The following CYP4X1 variants were observed in gnomAD, a reference collection of about 807,000 sequenced individuals.
CYP4X1 encodes cytochrome P450 family 4 subfamily X member 1.
CYP4X1 carries 44 observed loss-of-function variants against 57.9 expected under a neutral mutation model. The observed-to-expected ratio is 0.76, with a 90% confidence interval of 0.60 to 0.98. CYP4X1 has a LOEUF of 0.98. CYP4X1 is among the 50% of genes least tolerant of loss of function. CYP4X1 has a pLI of 0.00. For missense variants in CYP4X1, 532 were observed against 623.9 expected (o/e 0.85, Z 1.57); for synonymous variants, 227 against 228.6 (o/e 0.99, Z 0.06).
At position 47,023,941 on chromosome 1, in the gene CYP4X1, G is replaced by A. The variant is rs1438690064; in HGVS notation, c.124G>A (p.Asp42Asn). 4.3e-6 allele frequency: 7 copies of A among 1,613,302 alleles called. No individual in the cohort carries two copies. In the Middle Eastern group the frequency reaches 5.4e-4, roughly 123 times the overall value. ...LYLRRQRLLRDLRPFPAPPTH... is the reference protein window; with the variant it reads ...LYLRRQRLLRNLRPFPAPPTH... Reference sequence around the variant, plus strand: ...CCTGCGGAGGCAGCGGCTGCTGCGGGACCTGCGCCCCTTCCCAGCGCCCCC... The same window carrying A: ...CCTGCGGAGGCAGCGGCTGCTGCGGAACCTGCGCCCCTTCCCAGCGCCCCC... Residue 42 changes from aspartate (D) to asparagine (N), a missense_variant, in exon 1 of 12, where the codon GAC becomes AAC. Physicochemically the swap from Asp to Asn is conservative, Grantham distance 23. Coordinates refer to ENST00000371901, the MANE Select transcript of CYP4X1 (RefSeq NM_178033.2).
chr1:47,028,437 TAGC>T (rs1644092829), intron 1 of CYP4X1, among the ~76,000 whole-genome samples: 1 of 152,210 alleles, frequency 6.6e-6, no homozygotes, highest in Non-Finnish European at 1.5e-5. Flanking sequence ...GGAAAGCATT[TAGC>T]AGCACCTAGT....
intron 9 of CYP4X1, among the ~76,000 whole-genome samples, chr1:47,047,727 G>A (rs1293753730): frequency 2.6e-5 from 4 of 152,008 alleles, no homozygotes; most frequent in Non-Finnish European, 5.9e-5. Context: ...TCAGCCTCCC[G>A]AGTAGCTGGG....
At chr1:47,016,384 C>A in the CYP4X1 span, among the ~76,000 whole-genome samples, 1 of 151,160 alleles carries the variant, frequency 6.6e-6, no homozygotes, top group Admixed American at 6.6e-5. Context: ...CTCTGTTGCC[C>A]AGGCTGCAGT....
chr1:47,026,989 A>G lies in CYP4X1; in HGVS notation c.177+2995A>G, dbSNP rs112601161. 4.5e-3 allele frequency among the ~76,000 whole-genome samples: 679 copies of G among 152,342 alleles called. 5 individuals are homozygous for G. The highest frequency in any genetic ancestry group is 0.015 in the African/African-American group (642 of 41,584). On this transcript the variant is annotated intron_variant, in intron 1 of 11. Coordinates refer to ENST00000371901, the MANE Select transcript of CYP4X1 (RefSeq NM_178033.2). ...CTCACCCTCCCAAAGTGCTGGGATT[A>G]CAGGCGTGAGCCACCACTCCCGGCT... is the stretch of plus-strand genomic sequence containing the variant.
chr1:47,001,201 A>G, the CYP4X1 span: 1 of 161,698 alleles, frequency 6.2e-6, no homozygotes, highest in Non-Finnish European at 1.4e-5. Flanking sequence ...TCATTTATCC[A>G]AGCCTTGGTT....
chr1:47,038,096 G>T (rs1008405976), intron 6 of CYP4X1, among the ~76,000 whole-genome samples: 13 of 152,066 alleles, frequency 8.5e-5, no homozygotes, highest in African/African-American at 2.9e-4. Context: ...AACATTAATA[G>T]ACCTTATTTT....
the CYP4X1 span, among the ~76,000 whole-genome samples, chr1:47,015,062 G>C: frequency 6.6e-6 from 1 of 152,180 alleles, no homozygotes; most frequent in East Asian, 1.9e-4. Flanking sequence ...AACCCATATG[G>C]GTCTGTGCAG....
the CYP4X1 span, among the ~76,000 whole-genome samples, chr1:46,966,724 A>G: frequency 1.3e-5 from 2 of 152,166 alleles, no homozygotes; most frequent in African/African-American, 4.8e-5. Context: ...GCCATCTTGG[A>G]CAAAATCCCA....
chr1:46,975,644 G>A, the CYP4X1 span, among the ~76,000 whole-genome samples: 1 of 151,952 alleles, frequency 6.6e-6, no homozygotes, highest in Non-Finnish European at 1.5e-5. Context: ...TATGTGTCTT[G>A]GGGATGGCCA....
At chr1:47,007,571 G>A in the CYP4X1 span, among the ~76,000 whole-genome samples, 1 of 152,196 alleles carries the variant, frequency 6.6e-6, no homozygotes, top group Admixed American at 6.5e-5. Flanking sequence ...AACAAAGCTG[G>A]ACGGAGAATG....
At chr1:47,049,359 G>A in intron 10 of CYP4X1, 63 bp from the exon 11 acceptor site, 1 of 1,196,948 alleles carries the variant, frequency 8.4e-7, no homozygotes, top group Non-Finnish European at 1.2e-6. Context: ...GTGCTAGGTG[G>A]TAGGTGAAGA....
In CYP4X1 at chr1:47,048,554, T is replaced by C; in HGVS notation, c.1208-11T>C. Reference sequence around the variant, plus strand: ...TCTCCTGCAGTCTCTTTTATTTCCCTCCTTTCTTAGGGATCACCGTGGTTC... The same window carrying C: ...TCTCCTGCAGTCTCTTTTATTTCCCCCCTTTCTTAGGGATCACCGTGGTTC... On this transcript the variant is annotated splice_polypyrimidine_tract_variant and intron_variant, in intron 9 of 11. Transcript: ENST00000371901. The C allele has an allele frequency of 1.9e-6, 3 of 1,614,064 alleles. No homozygotes were observed. The highest frequency in any genetic ancestry group is 2.2e-5 in the South Asian group (2 of 91,076).
the CYP4X1 span, among the ~76,000 whole-genome samples, chr1:47,015,088 G>T: frequency 1.3e-5 from 2 of 152,120 alleles, no homozygotes; most frequent in Admixed American, 6.5e-5. Context: ...GCATGAATCC[G>T]TTTTACCATA....
chr1:46,990,635 G>A, the CYP4X1 span, among the ~76,000 whole-genome samples: 1 of 152,176 alleles, frequency 6.6e-6, no homozygotes, highest in African/African-American at 2.4e-5. Flanking sequence ...CAATAGCAAA[G>A]ACTTAGGACC....
chr1:47,053,332 A>G (rs376404684), downstream of CYP4X1, among the ~76,000 whole-genome samples: 4 of 151,802 alleles, frequency 2.6e-5, no homozygotes, highest in Admixed American at 6.6e-5. Context: ...GGACATTTGG[A>G]TTGGTTCCAA....
In CYP4X1 at chr1:47,049,991, T is replaced by C; in HGVS notation, c.1356-9T>C. ...TTCAAGTATCACTTTCTTTCCCTCT[T>C]GTCTTCAGGAACTGCATTGGGCAGG... On this transcript the variant is annotated splice_polypyrimidine_tract_variant and intron_variant, in intron 11 of 11. Transcript: ENST00000371901. 6.2e-7 allele frequency: 1 copy of C among 1,610,940 alleles called. No homozygotes were observed. Among genetic ancestry groups the C allele is most frequent in the South Asian group, 1.1e-5 (1 of 90,106 alleles).
chr1:47,053,048 C>G (rs1183921048), downstream of CYP4X1, among the ~76,000 whole-genome samples: 1 of 152,130 alleles, frequency 6.6e-6, no homozygotes, highest in Non-Finnish European at 1.5e-5. Context: ...AGGTATATCT[C>G]CTAATGCTAT....
intron 7 of CYP4X1, 96 bp downstream of exon 7, chr1:47,038,862 C>A (rs752001897): frequency 2.3e-6 from 2 of 872,622 alleles, no homozygotes; most frequent in Non-Finnish European, 3.4e-6. Flanking sequence ...AGAATAAAAC[C>A]GATTGACTAA....
At chr1:46,993,292 A>G in the CYP4X1 span, among the ~76,000 whole-genome samples, 1 of 152,042 alleles carries the variant, frequency 6.6e-6, no homozygotes, top group Non-Finnish European at 1.5e-5. Flanking sequence ...ATAGTATTCC[A>G]TGGTGTAGAT....
Sources: gnomAD v4.1 joint callset for allele counts (sites outside exome capture counted in the v4.1 genomes callset) on GRCh38, gnomAD v4.1.1 for gene constraint, MANE v1.5 for transcripts, NCBI Gene and HGNC (gene_info 2026-07-23, HGNC 2026-07-21) for gene names.